RYK: variants seen among roughly 807,000 people sequenced by gnomAD.
The protein encoded by RYK is inactive tyrosine-protein kinase RYK.
A neutral mutation model predicts 70.2 loss-of-function variants in RYK; 21 were observed. That is an observed-to-expected ratio of 0.30 (90% CI 0.21 to 0.43). The LOEUF is 0.43. Among genes scored for constraint, RYK ranks in the 20% least tolerant of loss-of-function variants. The pLI, the probability that RYK is intolerant of heterozygous loss-of-function variation, is 1.00. For synonymous variants in RYK, 267 were observed against 278.0 expected (o/e 0.96, Z 0.39); for missense variants, 604 against 753.3 (o/e 0.80, Z 2.32).
intron 6 of RYK, 194 bp from the exon 7 acceptor site, chr3:134,195,376 T>C (rs1470969307): frequency 4.2e-6 from 2 of 473,232 alleles, no homozygotes; most frequent in Admixed American, 8.6e-5. Context: ...TTCATTTCTA[T>C]CTCCAAAATC....
chr3:134,208,962 C>T (rs531880687), intron 4 of RYK, among the ~76,000 whole-genome samples: 40 of 152,116 alleles, frequency 2.6e-4, no homozygotes, highest in Admixed American at 1.2e-3. Context: ...ATTCTACCTA[C>T]GTGACCTTGT....
chr3:134,185,564 G>A (rs953726845), intron 9 of RYK, among the ~76,000 whole-genome samples: 2 of 152,180 alleles, frequency 1.3e-5, no homozygotes, highest in Non-Finnish European at 2.9e-5. Context: ...ATGTCTGCTG[G>A]AATAAACTCT....
At chr3:134,228,153 T>C (rs574260703) in intron 1 of RYK, among the ~76,000 whole-genome samples, 1 of 152,254 alleles carries the variant, frequency 6.6e-6, no homozygotes, top group South Asian at 2.1e-4. Context: ...TAGCCAAGCA[T>C]GGTGGTGTAT....
rs574344651 is a variant in RYK, at chr3:134,248,840, AC to A, written c.232+1582del. Among the ~76,000 whole-genome samples the A allele has an allele frequency of 7.2e-5, 11 of 151,926 alleles. No individual in the cohort carries two copies. The East Asian group carries it at 2.1e-3, about 30-fold the overall frequency. On this transcript the variant is annotated intron_variant, in intron 1 of 14. Coordinates refer to ENST00000623711, the MANE Select transcript of RYK (RefSeq NM_002958.4). ...GTGACCTTGAGCAAGTTACTTTAAA[AC>A]CCCACTTTCCTCATCTCTACAATAG... is the stretch of plus-strand genomic sequence containing the variant.
chr3:134,229,894 G>A (rs1429645186), intron 1 of RYK, among the ~76,000 whole-genome samples: 1 of 152,112 alleles, frequency 6.6e-6, no homozygotes, highest in African/African-American at 2.4e-5. Context: ...TTGAACGTTG[G>A]CAAGGAGGTG....
Position 134,250,413 on chromosome 3 carries a change from C to A in RYK, c.232+10G>T. 1.4e-6 allele frequency: 2 copies of A among 1,386,314 alleles called. No individual in the cohort carries two copies. The highest frequency in any genetic ancestry group is 1.5e-5 in the South Asian group (1 of 64,902). 85.9% of individuals were successfully genotyped at this position (1,386,314 alleles called of 1,614,324 possible). On this transcript the variant is annotated intron_variant, in intron 1 of 14. Coordinates refer to ENST00000623711, the MANE Select transcript of RYK (RefSeq NM_002958.4). ...GACCTGCCCGCCCCGGCCTCGGCGGCCCCACTCACCGATCAGCCGGCGCAC... is the reference window on the plus strand; with the variant it reads ...GACCTGCCCGCCCCGGCCTCGGCGGACCCACTCACCGATCAGCCGGCGCAC...
intron 2 of RYK, among the ~76,000 whole-genome samples, chr3:134,213,551 G>GT (rs2014464003): frequency 6.6e-6 from 1 of 152,060 alleles, no homozygotes; most frequent in Non-Finnish European, 1.5e-5. Context: ...CAGGCCTTCT[G>GT]TTTTTTCCCC....
chr3:134,212,408 C>G (rs2014430232), intron 2 of RYK, among the ~76,000 whole-genome samples: 2 of 152,168 alleles, frequency 1.3e-5, no homozygotes, highest in South Asian at 4.1e-4. Context: ...CAATGAAGCC[C>G]TACAGTTCAC....
intron 7 of RYK, among the ~76,000 whole-genome samples, chr3:134,192,817 T>A (rs559113634): frequency 6.6e-6 from 1 of 152,278 alleles, no homozygotes; most frequent in Admixed American, 6.5e-5. Flanking sequence ...TTACAATGCA[T>A]GTAGACTGAC....
chr3:134,158,150 G>C lies in RYK; in HGVS notation c.*3C>G. On this transcript the variant is annotated 3_prime_UTR_variant, in exon 15 of 15. Transcript: ENST00000623711. ...TTCCTGATGGTGTGGGATTGGAGAG[G>C]AGTCAGACGTAGGCCCCCAGGGCTG... The C allele has an allele frequency of 6.9e-7, 1 of 1,452,198 alleles. No homozygotes were observed. Among genetic ancestry groups the C allele is most frequent in the Non-Finnish European group, 9.2e-7 (1 of 1,087,688 alleles). The allele number at this position is 1,452,198 out of a possible 1,614,324, so 90.0% of individuals were successfully genotyped here.
At chr3:134,166,504 G>A (rs2012673031) in intron 13 of RYK, among the ~76,000 whole-genome samples, 1 of 152,216 alleles carries the variant, frequency 6.6e-6, no homozygotes, top group Non-Finnish European at 1.5e-5. Context: ...ATACGTGATT[G>A]AAAAGTGACT....
chr3:134,186,003 G>A (rs533110623), intron 9 of RYK, among the ~76,000 whole-genome samples: 10 of 152,074 alleles, frequency 6.6e-5, no homozygotes, highest in African/African-American at 2.4e-4. Flanking sequence ...CATAATGAAA[G>A]GTCTATCTTC....
chr3:134,238,057 A>G (rs1399889760), intron 1 of RYK, among the ~76,000 whole-genome samples: 1 of 152,240 alleles, frequency 6.6e-6, no homozygotes, highest in Non-Finnish European at 1.5e-5. Context: ...GCTGAAATCG[A>G]TAAAATAACA....
rs1052933026 is a variant in RYK at position 134,224,878 on chromosome 3, T to C, written c.233-2339A>G. ...TGTAGAACAGAGATTATTATAATAT[T>C]GGAATAAAGAGTAATGCTACAAACT... is the stretch of plus-strand genomic sequence containing the variant. On this transcript the variant is annotated intron_variant, in intron 1 of 14. Transcript: ENST00000623711. Among the ~76,000 whole-genome samples the C allele has an allele frequency of 9.8e-5, 15 of 152,380 alleles. No homozygotes were observed. The East Asian group carries it at 2.9e-3, about 29-fold the overall frequency.
intron 1 of RYK, among the ~76,000 whole-genome samples, chr3:134,242,967 G>A (rs995890203): frequency 3.3e-5 from 5 of 152,188 alleles, no homozygotes; most frequent in Non-Finnish European, 5.9e-5. Flanking sequence ...CTAGGGTTAA[G>A]GATTTGCTGC....
intron 1 of RYK, among the ~76,000 whole-genome samples, chr3:134,233,324 T>C (rs1467912583): frequency 6.6e-6 from 1 of 152,220 alleles, no homozygotes; most frequent in Non-Finnish European, 1.5e-5. Context: ...AGGGTTTTTA[T>C]GGAATACATT....
chr3:134,186,375 T>C (rs2013461919), intron 9 of RYK, among the ~76,000 whole-genome samples: 1 of 152,062 alleles, frequency 6.6e-6, no homozygotes, highest in South Asian at 2.1e-4. Context: ...TGTTTTTTTA[T>C]TTTATGCTAA....
intron 13 of RYK, among the ~76,000 whole-genome samples, chr3:134,171,646 C>T (rs191139304): frequency 6.6e-6 from 1 of 152,264 alleles, no homozygotes; most frequent in East Asian, 1.9e-4. Context: ...GCAGGAGGAT[C>T]GCTTGAGCTT....
In RYK at chr3:134,176,053, A is replaced by C. The variant is rs573376231; in HGVS notation, c.1306-14T>G. 74 of 1,484,970 alleles carry C rather than the reference A, an allele frequency of 5.0e-5. 1 individual carries two copies. In the South Asian group the frequency reaches 8.5e-4, roughly 17 times the overall value. The allele number at this position is 1,484,970 out of a possible 1,614,324, so 92.0% of individuals were successfully genotyped here. ...CTGAGAAATTGCCTGTGGTAACAAA[A>C]AATAACATGGTTTGCAAATAGCACA... On this transcript the variant is annotated splice_polypyrimidine_tract_variant and intron_variant, in intron 11 of 14. Coordinates refer to ENST00000623711, the MANE Select transcript of RYK (RefSeq NM_002958.4).
Sources: gnomAD v4.1 joint callset for allele counts (sites outside exome capture counted in the v4.1 genomes callset) on GRCh38, gnomAD v4.1.1 for gene constraint, MANE v1.5 for transcripts, NCBI Gene and HGNC (gene_info 2026-07-23, HGNC 2026-07-21) for gene names.